Variants in MOCS1 observed in about 807,000 individuals in gnomAD.
MOCS1 encodes molybdenum cofactor biosynthesis protein 1.
MOCS1 carries 39 observed loss-of-function variants against 57.6 expected under a neutral mutation model. That is an observed-to-expected ratio of 0.68 (90% CI 0.52 to 0.88). The LOEUF (loss-of-function observed/expected upper bound fraction) is 0.88, where lower values mean the gene tolerates loss of function less well. MOCS1 is among the 40% of genes least tolerant of loss of function. The pLI, the probability that MOCS1 is intolerant of heterozygous loss-of-function variation, is 0.00. For synonymous variants in MOCS1, 334 were observed against 335.7 expected (o/e 1.00, Z 0.05); for missense variants, 795 against 831.1 (o/e 0.96, Z 0.53).
chr6:39,916,284 C>T (rs1582817825), intron 3 of MOCS1, 52 bp from the exon 4 acceptor site: 1 of 1,607,290 alleles, frequency 6.2e-7, no homozygotes, highest in Non-Finnish European at 8.5e-7. Flanking sequence ...CTTGGTGAGG[C>T]CGGGAAAAGG....
chr6:39,909,912 A>G lies in MOCS1; in HGVS notation c.1025T>C (p.Leu342Pro). 8 of 1,613,876 alleles carry G rather than the reference A, an allele frequency of 5.0e-6. No individual in the cohort carries two copies. Among genetic ancestry groups the G allele is most frequent in the Non-Finnish European group, 6.8e-6 (8 of 1,180,012 alleles). ...GNSEVSLRDH[L>P]RAGASEQELL... ...CTCCTGCTCAGAGGCCCCAGCTCGC[A>G]GGTGATCCCGCAGGGATACCTCAGA... Residue 342 changes from leucine to proline, a missense_variant, in exon 9 of 11, where the codon CTG becomes CCG. Transcript: ENST00000340692.
chr6:39,913,527 G>A, intron 5 of MOCS1, 99 bp from the exon 6 acceptor site: 1 of 1,084,956 alleles, frequency 9.2e-7, no homozygotes, highest in Non-Finnish European at 1.4e-6. Context: ...CTTCCACTCA[G>A]GGACCCATTC....
chr6:39,929,239 T>C (rs891368751), intron 1 of MOCS1, among the ~76,000 whole-genome samples: 3 of 152,170 alleles, frequency 2.0e-5, no homozygotes, highest in African/African-American at 4.8e-5. Context: ...CCGTCTGCTA[T>C]AATCACAACA....
rs1401767779 is a variant in MOCS1 at position 39,905,700 on chromosome 6, C to T, written c.*657G>A. ...TCCTTAGGGCTATGGCCCATGTGTG[C>T]ACATCCTGTTTCAGAAGAGGGGGGC... On this transcript the variant is annotated 3_prime_UTR_variant, in exon 11 of 11. Coordinates refer to ENST00000340692, the MANE Select transcript of MOCS1 (RefSeq NM_001358530.2). 8 of 470,970 alleles carry T rather than the reference C, an allele frequency of 1.7e-5. No individual in the cohort carries two copies. The highest frequency in any genetic ancestry group is 1.4e-4 in the Admixed American group (6 of 42,554). 29.2% of individuals were successfully genotyped at this position (470,970 alleles called of 1,614,324 possible). A position where few individuals can be genotyped will look rare whatever the true frequency, so the allele number is the denominator to read the frequency against.
At chr6:39,928,983 C>G (rs1221472206) in intron 1 of MOCS1, among the ~76,000 whole-genome samples, 1 of 152,226 alleles carries the variant, frequency 6.6e-6, no homozygotes, top group African/African-American at 2.4e-5. Flanking sequence ...CCAACTAAAT[C>G]TGGATCTCTG....
At chr6:39,913,638 A>C in intron 5 of MOCS1, 136 bp downstream of exon 5, 1 of 1,084,622 alleles carries the variant, frequency 9.2e-7, no homozygotes, top group East Asian at 2.4e-5. Context: ...GCAGGGAGAG[A>C]AGAGGTGGAA....
chr6:39,913,442 A>G lies in MOCS1; in HGVS notation c.646-14T>C. On this transcript the variant is annotated splice_polypyrimidine_tract_variant and intron_variant, in intron 5 of 10. Coordinates refer to ENST00000340692, the MANE Select transcript of MOCS1 (RefSeq NM_001358530.2). ...CACACAGTTCACCTGGCCGGGGAAC[A>G]ATGGGACCATGAGGGCTGTGCCCCC... 4 of 1,610,284 alleles carry G rather than the reference A, an allele frequency of 2.5e-6. No individual in the cohort carries two copies. Among genetic ancestry groups the G allele is most frequent in the Non-Finnish European group, 3.4e-6 (4 of 1,176,512 alleles).
chr6:39,907,485 T>TA (rs1767035115), intron 10 of MOCS1, among the ~76,000 whole-genome samples: 2 of 152,206 alleles, frequency 1.3e-5, no homozygotes, highest in African/African-American at 2.4e-5. Context: ...TTCATTTTCT[T>TA]AAAACTAGAG....
intron 3 of MOCS1, 66 bp downstream of exon 3, chr6:39,925,612 C>G (rs372740390): frequency 4.5e-6 from 7 of 1,572,968 alleles, no homozygotes; most frequent in Non-Finnish European, 4.4e-6. Context: ...CTGTTAACAT[C>G]GGCATCAGTG....
rs962028944 is a variant in MOCS1 at position 39,906,229 on chromosome 6, T to C, written c.*128A>G. 4 of 1,175,544 alleles carry C rather than the reference T, an allele frequency of 3.4e-6. No individual in the cohort carries two copies. Among genetic ancestry groups the C allele is most frequent in the South Asian group, 1.2e-5 (1 of 81,672 alleles). The allele number at this position is 1,175,544 out of a possible 1,614,324, so 72.8% of individuals were successfully genotyped here. ...CCTGTTTGTTAGTAGTAGAGCAGGCTGACTTCGGGTTTACTGCTCAAGGTA... is the reference window on the plus strand; with the variant it reads ...CCTGTTTGTTAGTAGTAGAGCAGGCCGACTTCGGGTTTACTGCTCAAGGTA... On this transcript the variant is annotated 3_prime_UTR_variant, in exon 11 of 11. Coordinates refer to ENST00000340692, the MANE Select transcript of MOCS1 (RefSeq NM_001358530.2).
At chr6:39,925,868 T>C (rs1768264169) in intron 2 of MOCS1, 23 bp from the exon 3 acceptor site, 1 of 1,600,492 alleles carries the variant, frequency 6.2e-7, no homozygotes, top group Non-Finnish European at 8.5e-7. Context: ...TGAATGGGAA[T>C]GTGGAGGGAG....
At chr6:39,917,263 C>T (rs1767712407) in intron 3 of MOCS1, among the ~76,000 whole-genome samples, 1 of 152,154 alleles carries the variant, frequency 6.6e-6, no homozygotes, top group Non-Finnish European at 1.5e-5. Context: ...CTTCACATGG[C>T]AGCAGCAAGA....
intron 1 of MOCS1, among the ~76,000 whole-genome samples, chr6:39,927,968 A>C (rs1192985331): frequency 6.6e-6 from 1 of 152,068 alleles, no homozygotes; most frequent in Non-Finnish European, 1.5e-5. Context: ...GGAGAGTACA[A>C]CCTGGGTCCC....
chr6:39,912,229 T>C (rs1392852081), intron 8 of MOCS1, 35 bp downstream of exon 8: 3 of 1,471,490 alleles, frequency 2.0e-6, no homozygotes, highest in Non-Finnish European at 2.9e-6. Context: ...AACACAGAGG[T>C]GGCAAGGGGT....
chr6:39,904,740 T>G lies in MOCS1; in HGVS notation c.*1617A>C. ...AGGGATGCCTTCACGCCAAGGCTGTTCTCACCAGCTGCCTCAGATGACAAA... is the reference window on the plus strand; with the variant it reads ...AGGGATGCCTTCACGCCAAGGCTGTGCTCACCAGCTGCCTCAGATGACAAA... On this transcript the variant is annotated 3_prime_UTR_variant, in exon 11 of 11. Coordinates refer to ENST00000340692, the MANE Select transcript of MOCS1 (RefSeq NM_001358530.2). The G allele has an allele frequency of 2.2e-6, 1 of 454,148 alleles. No homozygotes were observed. The highest frequency in any genetic ancestry group is 4.4e-6 in the Non-Finnish European group (1 of 226,800). 28.1% of individuals were successfully genotyped at this position (454,148 alleles called of 1,614,324 possible).
chr6:39,929,389 C>A (rs1307614652), intron 1 of MOCS1, among the ~76,000 whole-genome samples: 2 of 152,050 alleles, frequency 1.3e-5, no homozygotes, highest in African/African-American at 4.8e-5. Flanking sequence ...GATGAGATAC[C>A]TGGGAATCTG....
chr6:39,913,030 G>C (rs771313962), intron 6 of MOCS1, 26 bp from the exon 7 acceptor site: 2 of 1,598,126 alleles, frequency 1.3e-6, no homozygotes, highest in Admixed American at 3.3e-5. Flanking sequence ...GGGAAGGCAA[G>C]GGGAGCTTCT....
In MOCS1 at chr6:39,906,413, C is replaced by T; in HGVS notation, c.1855G>A (p.Glu619Lys). The change falls in exon 11 of 11, where the codon GAG becomes AAG. Residue 619 changes from glutamate to lysine, a missense_variant. Coordinates refer to ENST00000340692, the MANE Select transcript of MOCS1 (RefSeq NM_001358530.2). ...CCAGTCTTGCTAATGAGCTTGATCTCCTCCAACACGATGTCCCTGCTGACA... is the reference window on the plus strand; with the variant it reads ...CCAGTCTTGCTAATGAGCTTGATCTTCTCCAACACGATGTCCCTGCTGACA... Reference protein sequence around the residue: ...KAVSRDIVLEEIKLISKTGGQ... With the variant: ...KAVSRDIVLEKIKLISKTGGQ... 1.2e-6 allele frequency: 2 copies of T among 1,605,144 alleles called. No individual in the cohort carries two copies. Among genetic ancestry groups the T allele is most frequent in the Non-Finnish European group, 1.7e-6 (2 of 1,173,020 alleles).
chr6:39,915,110 G>A (rs1767581725), intron 4 of MOCS1, among the ~76,000 whole-genome samples: 1 of 152,118 alleles, frequency 6.6e-6, no homozygotes, highest in South Asian at 2.1e-4. Flanking sequence ...AGTACCACAA[G>A]ACAAGCAAAG....
Sources: gnomAD v4.1 joint callset for allele counts (sites outside exome capture counted in the v4.1 genomes callset) on GRCh38, gnomAD v4.1.1 for gene constraint, MANE v1.5 for transcripts, NCBI Gene and HGNC (gene_info 2026-07-23, HGNC 2026-07-21) for gene names.